The following GPHN variants were observed in gnomAD, a reference collection of about 807,000 sequenced individuals.
GPHN encodes the protein gephyrin.
Under a neutral mutation model 95.5 loss-of-function variants are expected in GPHN, and 17 were observed. The observed-to-expected ratio is 0.18, with a 90% CI of 0.12 to 0.27. The LOEUF (loss-of-function observed/expected upper bound fraction) is 0.27, where lower values mean the gene tolerates loss of function less well. GPHN is among the 10% of genes least tolerant of loss of function. The probability of loss-of-function intolerance (pLI) is 1.00; values close to 1 mark genes in which losing one functional copy is unlikely to be tolerated. For synonymous variants in GPHN, 320 were observed against 322.5 expected (o/e 0.99, Z 0.08); for missense variants, 660 against 978.1 (o/e 0.67, Z 4.34).
At chr14:66,709,535 G>A (rs986170032) in intron 2 of GPHN, 1 of 376,092 alleles carries the variant, frequency 2.7e-6, no homozygotes, top group Non-Finnish European at 5.4e-6. Flanking sequence ...CCAGTGGGAT[G>A]GAGTGGGAAG....
At chr14:67,324,848 C>A in the GPHN span, among the ~76,000 whole-genome samples, 1 of 151,160 alleles carries the variant, frequency 6.6e-6, no homozygotes, top group Non-Finnish European at 1.5e-5. Flanking sequence ...CTCAGCCTCC[C>A]AAAGTTCTTG....
chr14:66,752,502 G>A (rs1162205493), intron 2 of GPHN, among the ~76,000 whole-genome samples: 1 of 152,050 alleles, frequency 6.6e-6, no homozygotes, highest in Non-Finnish European at 1.5e-5. Flanking sequence ...AAGAGGGAGA[G>A]AGACAGGAAA....
chr14:67,420,399 C>T, the GPHN span, among the ~76,000 whole-genome samples: 2 of 152,198 alleles, frequency 1.3e-5, no homozygotes, highest in African/African-American at 2.4e-5. Flanking sequence ...AACGAAGGGA[C>T]GTGTGACCGG....
chr14:67,171,510 C>T (rs1034565300), intron 21 of GPHN, among the ~76,000 whole-genome samples: 1 of 152,130 alleles, frequency 6.6e-6, no homozygotes, highest in Non-Finnish European at 1.5e-5. Flanking sequence ...CTCTACCACC[C>T]TTGTTCTCAG....
At chr14:66,520,484 A>G (rs2058431906) in intron 1 of GPHN, among the ~76,000 whole-genome samples, 2 of 152,112 alleles carry the variant, frequency 1.3e-5, no homozygotes, top group African/African-American at 2.4e-5. Context: ...ATTACAGAGG[A>G]GGAGCTGACT....
chr14:66,801,449 G>A (rs2060344396), intron 3 of GPHN, among the ~76,000 whole-genome samples: 1 of 152,124 alleles, frequency 6.6e-6, no homozygotes, highest in African/African-American at 2.4e-5. Flanking sequence ...GTACCACCTT[G>A]ATAATCTTAT....
chr14:66,965,343 G>A lies in GPHN; in HGVS notation c.963+18G>A, dbSNP rs376856913. ...CACCAAAAGTAAGTATGGTTCCTTC[G>A]CATCTTACACCTGCTCTTCTATAGT... On this transcript the variant is annotated intron_variant, in intron 9 of 22. Transcript: ENST00000478722. 3.4e-5 allele frequency: 54 copies of A among 1,609,086 alleles called. No individual in the cohort carries two copies. The highest frequency in any genetic ancestry group is 3.7e-5 in the Non-Finnish European group (44 of 1,175,850).
chr14:66,947,842 C>G (rs908604776), intron 8 of GPHN, among the ~76,000 whole-genome samples: 4 of 152,096 alleles, frequency 2.6e-5, no homozygotes, highest in Admixed American at 2.6e-4. Flanking sequence ...GTTGTCCTAG[C>G]TATTTGGGAG....
intron 5 of GPHN, among the ~76,000 whole-genome samples, chr14:66,914,234 A>C (rs182626478): frequency 2.0e-5 from 3 of 152,290 alleles, no homozygotes; most frequent in East Asian, 3.9e-4. Context: ...TATTGGAGAC[A>C]TAAAAAGCCT....
intron 12 of GPHN, among the ~76,000 whole-genome samples, chr14:67,091,892 C>T (rs2077163644): frequency 6.6e-6 from 1 of 151,272 alleles, no homozygotes; most frequent in Non-Finnish European, 1.5e-5. Flanking sequence ...ACATTATAAA[C>T]AGTCCAAGAG....
intron 2 of GPHN, among the ~76,000 whole-genome samples, chr14:66,709,048 A>G (rs2069360896): frequency 1.3e-5 from 2 of 152,172 alleles, no homozygotes; most frequent in South Asian, 2.1e-4. Context: ...TAAAAAGAAG[A>G]TAATACAGTA....
At chr14:67,019,943 T>G (rs1221350687) in intron 9 of GPHN, among the ~76,000 whole-genome samples, 1 of 152,184 alleles carries the variant, frequency 6.6e-6, no homozygotes, top group African/African-American at 2.4e-5. Flanking sequence ...CATAACAGCT[T>G]GGCACTACAT....
the GPHN span, among the ~76,000 whole-genome samples, chr14:67,249,056 G>A: frequency 2.0e-5 from 3 of 151,742 alleles, no homozygotes; most frequent in African/African-American, 4.8e-5. Context: ...TCTGCCTCCC[G>A]GGTTCAAGTT....
chr14:67,373,816 G>A, the GPHN span, among the ~76,000 whole-genome samples: 1 of 150,728 alleles, frequency 6.6e-6, no homozygotes, highest in South Asian at 2.1e-4. Context: ...TAGTCATACA[G>A]TAGATTAGAT....
At chr14:67,262,656 T>A in the GPHN span, among the ~76,000 whole-genome samples, 6 of 152,218 alleles carry the variant, frequency 3.9e-5, no homozygotes, top group Non-Finnish European at 8.8e-5. Context: ...AGATTTAGCT[T>A]TCAGAAAATC....
chr14:67,395,333 G>A, the GPHN span: 1 of 1,434,230 alleles, frequency 7.0e-7, no homozygotes, highest in South Asian at 1.2e-5. Context: ...CCCCCAAGGG[G>A]CAGGGTCCCC....
At chr14:66,843,960 C>G (rs1205754855) in intron 4 of GPHN, among the ~76,000 whole-genome samples, 3 of 151,626 alleles carry the variant, frequency 2.0e-5, no homozygotes, top group Non-Finnish European at 4.4e-5. Context: ...ATTTATTATT[C>G]CTAAATTTTC....
the GPHN span, among the ~76,000 whole-genome samples, chr14:67,246,980 A>G: frequency 6.6e-6 from 1 of 152,176 alleles, no homozygotes; most frequent in Non-Finnish European, 1.5e-5. Flanking sequence ...TCTTCACATT[A>G]GGTAATGTGA....
At chr14:67,690,465 G>T in the GPHN span, 1 of 1,556,678 alleles carries the variant, frequency 6.4e-7, no homozygotes, top group South Asian at 1.1e-5. Flanking sequence ...GGCCATGTAG[G>T]AATGACAGGA....
Sources: allele counts gnomAD v4.1 joint callset (sites outside exome capture counted in the v4.1 genomes callset), GRCh38; gene constraint gnomAD v4.1.1; transcripts MANE v1.5; gene names NCBI Gene and HGNC (gene_info 2026-07-23, HGNC 2026-07-21).